Variants in RFX6 observed in about 807,000 individuals in gnomAD.
RFX6 encodes the protein regulatory factor X6, also known as DNA-binding protein RFX6.
In RFX6, 50 loss-of-function variants were observed where a neutral mutation model predicts 110.8. The ratio of observed to expected loss-of-function variants is 0.45; its 90% CI spans 0.36 to 0.57. The LOEUF (loss-of-function observed/expected upper bound fraction) is 0.57, where lower values mean the gene tolerates loss of function less well. Ranked by LOEUF, RFX6 falls within the 20% of genes least tolerant of loss-of-function variation. RFX6 has a pLI of 0.00. For synonymous variants in RFX6, 383 were observed against 411.2 expected (o/e 0.93, Z 0.83); for missense variants, 990 against 1,127.0 (o/e 0.88, Z 1.74).
At chr6:116,884,100 TAAG>T (rs1213785341) in intron 4 of RFX6, among the ~76,000 whole-genome samples, 2 of 152,164 alleles carry the variant, frequency 1.3e-5, no homozygotes, top group Non-Finnish European at 2.9e-5. Flanking sequence ...GTCTTCTGTT[TAAG>T]TTTATGCTGT....
chr6:116,906,581 G>A (rs1775207149), intron 6 of RFX6, among the ~76,000 whole-genome samples: 1 of 151,832 alleles, frequency 6.6e-6, no homozygotes, highest in South Asian at 2.1e-4. Context: ...TCACTTCCTT[G>A]GTTAAATTAG....
chr6:116,912,452 C>T (rs999307400), intron 7 of RFX6, among the ~76,000 whole-genome samples: 1 of 152,020 alleles, frequency 6.6e-6, no homozygotes, highest in Non-Finnish European at 1.5e-5. Flanking sequence ...TCTGACTGTT[C>T]TCTCCCATTA....
intron 6 of RFX6, among the ~76,000 whole-genome samples, chr6:116,908,245 C>T (rs539929039): frequency 1.3e-5 from 2 of 152,066 alleles, no homozygotes; most frequent in South Asian, 2.1e-4. Flanking sequence ...AGTGAGAACA[C>T]GTGATATTTG....
intron 4 of RFX6, among the ~76,000 whole-genome samples, chr6:116,892,936 C>T (rs1481694368): frequency 6.6e-6 from 1 of 152,046 alleles, no homozygotes; most frequent in East Asian, 1.9e-4. Context: ...GAAGATTCAT[C>T]CATTCAACCA....
chr6:116,877,339 C>T lies in RFX6; in HGVS notation c.64C>T (p.Pro22Ser). 1 of 1,612,990 alleles carries T rather than the reference C, an allele frequency of 6.2e-7. No individual in the cohort carries two copies. The highest frequency in any genetic ancestry group is 8.5e-7 in the Non-Finnish European group (1 of 1,179,616). Residue 22 changes from proline to serine, a missense_variant, in exon 1 of 19, where the codon CCG becomes TCG. This residue lies in a region of RFX6 where 175 missense variants were observed against 162.3 expected (regional missense o/e 1.08). Transcript: ENST00000332958. ...LQAQPAPQLS[P>S]GIQEDCCVQL... ...GGCGCAGCCTGCGCCCCAACTGTCC[C>T]CGGGGATCCAGGAAGACTGCTGTGT...
At position 116,927,243 on chromosome 6, in the gene RFX6, C is replaced by G; in HGVS notation, c.2102C>G (p.Ser701Cys). ...AATCATGACTTTTATAGCACCAGCT[C>G]TAACTACCAGACTGTGTTTAGGGCA... Reference protein sequence around the residue: ...QANHDFYSTSSNYQTVFRAQP... With the variant: ...QANHDFYSTSCNYQTVFRAQP... Residue 701 changes from serine (S) to cysteine (C), a missense_variant, in exon 17 of 19, where the codon TCT (serine) becomes TGT (cysteine). This residue lies in a region of RFX6 where 438 missense variants were observed against 441.9 expected (regional missense o/e 0.99). Coordinates refer to ENST00000332958, the MANE Select transcript of RFX6 (RefSeq NM_173560.4). 6.2e-7 allele frequency: 1 copy of G among 1,614,220 alleles called. No individual in the cohort carries two copies. The highest frequency in any genetic ancestry group is 8.5e-7 in the Non-Finnish European group (1 of 1,180,030).
rs775237371 is a variant in RFX6, at chr6:116,877,842, C to T, written c.270C>T (p.Ala90=). The T allele has an allele frequency of 2.9e-5, 47 of 1,613,882 alleles. No homozygotes were observed. Among genetic ancestry groups the T allele is most frequent in the East Asian group, 4.5e-5 (2 of 44,884 alleles). ...NGNFSSEEED[A]DNHDSKTKAA... is the part of the protein sequence containing the mutation. ...ACTTTTCCTCTGAAGAAGAGGACGCCGACAACCACGACAGCAAAACCAAAG... is the reference window on the plus strand; with the variant it reads ...ACTTTTCCTCTGAAGAAGAGGACGCTGACAACCACGACAGCAAAACCAAAG... The change falls in exon 2 of 19, where the codon GCC becomes GCT. Residue 90 remains alanine, a synonymous_variant. Coordinates refer to ENST00000332958, the MANE Select transcript of RFX6 (RefSeq NM_173560.4).
intron 4 of RFX6, among the ~76,000 whole-genome samples, chr6:116,883,397 C>T (rs1023597149): frequency 6.6e-6 from 1 of 152,122 alleles, no homozygotes; most frequent in Non-Finnish European, 1.5e-5. Flanking sequence ...CTGCCTCCTT[C>T]TGCCCTGACA....
chr6:116,891,442 T>C (rs1425764606), intron 4 of RFX6, among the ~76,000 whole-genome samples: 2 of 152,218 alleles, frequency 1.3e-5, no homozygotes, highest in Non-Finnish European at 2.9e-5. Context: ...AGCCAACGTT[T>C]AACATGTATT....
chr6:116,929,662 A>T (rs1482645709), intron 18 of RFX6, among the ~76,000 whole-genome samples: 3 of 152,210 alleles, frequency 2.0e-5, no homozygotes, highest in African/African-American at 7.2e-5. Context: ...ACATAGATTT[A>T]GTCACTATAG....
rs568903851 is a variant in RFX6, at chr6:116,890,399, G to T, written c.567-3588G>T. On this transcript the variant is annotated intron_variant, in intron 4 of 18. Transcript: ENST00000332958. ...TTCAATGGTAGCAAATATTAATTTG[G>T]TATTACAATTCTCTGTTTGCATTAT... Among the ~76,000 whole-genome samples the T allele has an allele frequency of 4.6e-5, 7 of 152,062 alleles. No individual in the cohort carries two copies. The East Asian group carries it at 9.7e-4, about 21-fold the overall frequency.
At chr6:116,922,777 A>G (rs1252169544) in intron 13 of RFX6, among the ~76,000 whole-genome samples, 1 of 152,238 alleles carries the variant, frequency 6.6e-6, no homozygotes, top group East Asian at 1.9e-4. Flanking sequence ...ACAAAAATAT[A>G]TAGCCCTTCC....
At chr6:116,881,142 G>A (rs572044109) in intron 3 of RFX6, among the ~76,000 whole-genome samples, 4 of 151,982 alleles carry the variant, frequency 2.6e-5, no homozygotes, top group Non-Finnish European at 5.9e-5. Context: ...ATTTTATGAT[G>A]GGATGGGTTA....
chr6:116,908,671 CACACACACACACACACAG>C (rs1314388469), intron 6 of RFX6, among the ~76,000 whole-genome samples: 16 of 62,050 alleles, frequency 2.6e-4, no homozygotes, highest in African/African-American at 4.0e-4. Flanking sequence ...TTCTAGCATA[CACACACACACACACACAG>C]ACACACACAC....
intron 6 of RFX6, among the ~76,000 whole-genome samples, chr6:116,900,778 G>T (rs1234488857): frequency 6.6e-6 from 1 of 151,884 alleles, no homozygotes; most frequent in African/African-American, 2.4e-5. Context: ...ATAATTTATT[G>T]TACTTTTGTG....
chr6:116,902,395 A>T (rs1025312515), intron 6 of RFX6, among the ~76,000 whole-genome samples: 1 of 152,024 alleles, frequency 6.6e-6, no homozygotes, highest in Admixed American at 6.6e-5. Context: ...AAAACAAAAT[A>T]AAAAACAGGA....
At chr6:116,905,173 GACA>G (rs1205454773) in intron 6 of RFX6, among the ~76,000 whole-genome samples, 1 of 152,094 alleles carries the variant, frequency 6.6e-6, no homozygotes, top group Non-Finnish European at 1.5e-5. Flanking sequence ...TCACATCCTT[GACA>G]ACACTTGTTA....
In RFX6 at chr6:116,919,235, C is replaced by T; in HGVS notation, c.1121C>T (p.Pro374Leu). ...GAAGCTCTAACTGACAAGAAAATAC[C>T]TATTGTGCGAAGATTTGTATCTTCT... Reference protein sequence around the residue: ...LPEALTDKKIPIVRRFVSSLK... With the variant: ...LPEALTDKKILIVRRFVSSLK... The change falls in exon 11 of 19, where the codon CCT becomes CTT. Residue 374 changes from proline (P) to leucine (L), a missense_variant. Physicochemically the swap from Pro to Leu is moderately conservative, Grantham distance 98. Coordinates refer to ENST00000332958, the MANE Select transcript of RFX6 (RefSeq NM_173560.4). The T allele has an allele frequency of 6.2e-7, 1 of 1,613,312 alleles. No homozygotes were observed. The highest frequency in any genetic ancestry group is 8.5e-7 in the Non-Finnish European group (1 of 1,179,422).
chr6:116,897,851 T>C (rs1270514067), intron 6 of RFX6, among the ~76,000 whole-genome samples: 1 of 152,224 alleles, frequency 6.6e-6, no homozygotes, highest in Non-Finnish European at 1.5e-5. Flanking sequence ...TTGTGAAACA[T>C]TTAACACAAA....
Sources: allele counts gnomAD v4.1 joint callset (sites outside exome capture counted in the v4.1 genomes callset), GRCh38; gene constraint gnomAD v4.1.1; regional missense constraint gnomAD v4.1.1; transcripts MANE v1.5; gene names NCBI Gene and HGNC (gene_info 2026-07-23, HGNC 2026-07-21).